Variants in BTBD9 observed in about 807,000 individuals in gnomAD.
BTBD9 encodes BTB domain containing 9.
A neutral mutation model predicts 64.3 loss-of-function variants in BTBD9; 49 were observed. The observed-to-expected ratio is 0.76, with a 90% CI of 0.61 to 0.97. The LOEUF is 0.97. Ranked by LOEUF, BTBD9 falls within the 50% of genes least tolerant of loss-of-function variation. The pLI, the probability that BTBD9 is intolerant of heterozygous loss-of-function variation, is 0.00. For missense variants in BTBD9, 598 were observed against 762.1 expected (o/e 0.78, Z 2.53); for synonymous variants, 260 against 274.7 (o/e 0.95, Z 0.53).
At position 38,374,297 on chromosome 6, in the gene BTBD9, G is replaced by GTATATATATATATA. The variant is rs1468972879; in HGVS notation, c.1155-29205_1155-29204insTATATATATATATA. Among the ~76,000 whole-genome samples the GTATATATATATATA allele has an allele frequency of 2.4e-4, 13 of 53,666 alleles. 1 individual carries two copies. The highest frequency in any genetic ancestry group is 7.4e-4 in the Admixed American group (3 of 4,034). The allele number at this position is 53,666 out of a possible 152,430, so 35.2% of individuals were successfully genotyped here. A position where few individuals can be genotyped will look rare whatever the true frequency, so the allele number is the denominator to read the frequency against. ...AAAAAAAAAAAGTATATATATATATGTATATATATGTATATATATATATAT... is the reference window on the plus strand; with the variant it reads ...AAAAAAAAAAAGTATATATATATATGTATATATATATATATATATATATGTATATATATATATAT... On this transcript the variant is annotated intron_variant, in intron 6 of 10. Coordinates refer to ENST00000481247, the MANE Select transcript of BTBD9 (RefSeq NM_001099272.2).
rs577618011 is a variant in BTBD9 at position 38,222,962 on chromosome 6, A to G, written c.1563-30365T>C. On this transcript the variant is annotated intron_variant, in intron 9 of 10. Coordinates refer to ENST00000481247, the MANE Select transcript of BTBD9 (RefSeq NM_001099272.2). Reference sequence around the variant, plus strand: ...GTTCTTGTTGCCCATGCTGGAGTGCAATGGTGCAATCTTGGCTCATTGCAA... The same window carrying G: ...GTTCTTGTTGCCCATGCTGGAGTGCGATGGTGCAATCTTGGCTCATTGCAA... 2.0e-3 allele frequency among the ~76,000 whole-genome samples: 309 copies of G among 152,148 alleles called. 2 individuals are homozygous for G. The highest frequency in any genetic ancestry group is 6.8e-3 in the African/African-American group (284 of 41,502).
chr6:38,547,848 T>G (rs931147797), intron 6 of BTBD9, among the ~76,000 whole-genome samples: 2 of 152,242 alleles, frequency 1.3e-5, no homozygotes, highest in Non-Finnish European at 2.9e-5. Flanking sequence ...CCATCTTCAC[T>G]ACTAAAATAT....
chr6:38,563,974 G>A (rs1402637780), intron 6 of BTBD9, among the ~76,000 whole-genome samples: 1 of 151,356 alleles, frequency 6.6e-6, no homozygotes, highest in African/African-American at 2.4e-5. Context: ...AGTAGAGACG[G>A]GGTTTCACCG....
At chr6:38,590,072 TAAGCATTCACC>T (rs777909481) in intron 4 of BTBD9, among the ~76,000 whole-genome samples, 113 of 152,354 alleles carry the variant, frequency 7.4e-4, no homozygotes, top group Admixed American at 2.8e-3. Flanking sequence ...ATTCATTCAC[TAAGCATTCACC>T]AAGCATTCAC....
chr6:38,262,401 T>C (rs568071385), intron 8 of BTBD9, among the ~76,000 whole-genome samples: 20 of 152,270 alleles, frequency 1.3e-4, no homozygotes, highest in Non-Finnish European at 2.4e-4. Flanking sequence ...GGTGATATTA[T>C]ATATGTTGTC....
chr6:38,266,612 AAGAAAGAAAGAAAGAAAGAAAG>A (rs1157993514), intron 8 of BTBD9, among the ~76,000 whole-genome samples: 10 of 10,004 alleles, frequency 1.0e-3, no homozygotes, highest in Non-Finnish European at 2.0e-3. Context: ...AAAGGAAAGA[AAGAAAGAAAGAAAGAAAGAAAG>A]AAAGAAAGAA....
At chr6:38,637,459 C>T (rs1306895087) in intron 1 of BTBD9, among the ~76,000 whole-genome samples, 1 of 152,328 alleles carries the variant, frequency 6.6e-6, no homozygotes, top group African/African-American at 2.4e-5. Flanking sequence ...CAATATTCAG[C>T]AGCAGGGTCT....
At chr6:38,275,636 TCAAA>T (rs1161093474) in intron 8 of BTBD9, among the ~76,000 whole-genome samples, 3 of 150,092 alleles carry the variant, frequency 2.0e-5, no homozygotes, top group African/African-American at 7.3e-5. Context: ...TACAATGAAC[TCAAA>T]CAAATTTACA....
intron 6 of BTBD9, among the ~76,000 whole-genome samples, chr6:38,393,633 T>C (rs1766535102): frequency 6.6e-6 from 1 of 152,240 alleles, no homozygotes; most frequent in Non-Finnish European, 1.5e-5. Flanking sequence ...ACACCTTTCA[T>C]GGTCAAGGTA....
intron 6 of BTBD9, among the ~76,000 whole-genome samples, chr6:38,355,124 G>A (rs527486303): frequency 6.6e-6 from 1 of 152,322 alleles, no homozygotes; most frequent in South Asian, 2.1e-4. Context: ...TTTTGCTGCT[G>A]AAATCTGTCA....
chr6:38,321,324 G>A (rs1763223291), intron 7 of BTBD9, among the ~76,000 whole-genome samples: 1 of 152,192 alleles, frequency 6.6e-6, no homozygotes, highest in African/African-American at 2.4e-5. Flanking sequence ...AGGGAGAGAG[G>A]AGAGAAAGAA....
At chr6:38,351,506 T>G (rs1189838030) in intron 6 of BTBD9, among the ~76,000 whole-genome samples, 8 of 127,410 alleles carry the variant, frequency 6.3e-5, no homozygotes, top group Non-Finnish European at 1.1e-4. Flanking sequence ...TAATTGTTGT[T>G]GTTTTTTTTT....
At chr6:38,588,476 A>G (rs1346221358) in intron 4 of BTBD9, 6 of 859,434 alleles carry the variant, frequency 7.0e-6, no homozygotes, top group East Asian at 5.3e-5. Flanking sequence ...CCTAATCCTT[A>G]TATGTCCTCC....
At position 38,178,650 on chromosome 6, in the gene BTBD9, G is replaced by T. The variant is rs1370584348; in HGVS notation, c.1642-3468C>A. ...GCCAAGCTAGAGAGGATGGAGGAGG[G>T]GGGGACTTGGTGTGGAAGAAAAACA... is the stretch of plus-strand genomic sequence containing the variant. On this transcript the variant is annotated intron_variant, in intron 10 of 10. Coordinates refer to ENST00000481247, the MANE Select transcript of BTBD9 (RefSeq NM_001099272.2). Among the ~76,000 whole-genome samples, 3 of 151,962 alleles carry T rather than the reference G, an allele frequency of 2.0e-5. No homozygotes were observed. The East Asian group carries it at 5.9e-4, about 30-fold the overall frequency.
intron 6 of BTBD9, among the ~76,000 whole-genome samples, chr6:38,384,124 C>A (rs929870809): frequency 3.3e-5 from 5 of 152,064 alleles, no homozygotes; most frequent in African/African-American, 1.2e-4. Flanking sequence ...AAGCTGAGTG[C>A]AAAATTGGAG....
At chr6:38,435,278 C>G (rs1768662738) in intron 6 of BTBD9, among the ~76,000 whole-genome samples, 1 of 151,364 alleles carries the variant, frequency 6.6e-6, no homozygotes, top group African/African-American at 2.4e-5. Flanking sequence ...ATCAGAATGA[C>G]CAGGCTTAGG....
intron 8 of BTBD9, among the ~76,000 whole-genome samples, chr6:38,261,833 A>G (rs982958201): frequency 2.6e-5 from 4 of 152,204 alleles, no homozygotes; most frequent in African/African-American, 9.6e-5. Context: ...CCTGAGTGGA[A>G]AAGGGACACT....
At chr6:38,236,652 C>T (rs983048294) in intron 9 of BTBD9, among the ~76,000 whole-genome samples, 1 of 152,190 alleles carries the variant, frequency 6.6e-6, no homozygotes, top group African/African-American at 2.4e-5. Flanking sequence ...GGCTAGAAAT[C>T]AAATCCCAGT....
chr6:38,521,171 C>T (rs762516094), intron 6 of BTBD9, among the ~76,000 whole-genome samples: 4 of 151,908 alleles, frequency 2.6e-5, no homozygotes, highest in Non-Finnish European at 5.9e-5. Flanking sequence ...GTCACACCAC[C>T]TCAGTTCAAA....
Sources: allele counts gnomAD v4.1 joint callset (sites outside exome capture counted in the v4.1 genomes callset), GRCh38; gene constraint gnomAD v4.1.1; transcripts MANE v1.5; gene names NCBI Gene and HGNC (gene_info 2026-07-23, HGNC 2026-07-21).